EXPH5: variants seen among roughly 807,000 people sequenced by gnomAD.
EXPH5 encodes exophilin 5, also known as exophilin-5.
A neutral mutation model predicts 41.1 loss-of-function variants in EXPH5; 42 were observed. The observed-to-expected ratio is 1.02, with a 90% confidence interval of 0.80 to 1.32. The LOEUF is 1.32. Ranked by LOEUF, EXPH5 falls within the 40% of genes most tolerant of loss-of-function variation. The pLI is 0.00. For missense variants in EXPH5, 2,298 were observed against 2,314.5 expected, an observed-to-expected ratio of 0.99 and a Z score of 0.15; for synonymous variants, 798 against 833.5, an observed-to-expected ratio of 0.96 and a Z score of 0.73.
At chr11:108,579,668 G>A (rs557712731) in intron 1 of EXPH5, among the ~76,000 whole-genome samples, 3 of 152,140 alleles carry the variant, frequency 2.0e-5, no homozygotes, top group Non-Finnish European at 4.4e-5. Context: ...TATCTGATAA[G>A]TAAATTGTAG....
chr11:108,600,968 G>A, the EXPH5 span, among the ~76,000 whole-genome samples: 1 of 152,186 alleles, frequency 6.6e-6, no homozygotes, highest in African/African-American at 2.4e-5. Context: ...AGAAGTTGTT[G>A]CCATGCCTTA....
intron 4 of EXPH5, 92 bp from the exon 5 acceptor site, chr11:108,518,465 G>C (rs1035137436): frequency 8.5e-7 from 1 of 1,175,182 alleles, no homozygotes. Context: ...AAGCTTAAAA[G>C]TATTAGTCTA....
intron 1 of EXPH5, among the ~76,000 whole-genome samples, chr11:108,578,503 A>C (rs1379531699): frequency 1.3e-5 from 2 of 152,068 alleles, no homozygotes; most frequent in African/African-American, 4.8e-5. Flanking sequence ...CTCAGGATTC[A>C]TTTGGCTATT....
chr11:108,557,310 T>G (rs1565820740), intron 1 of EXPH5, among the ~76,000 whole-genome samples: 2 of 152,140 alleles, frequency 1.3e-5, no homozygotes, highest in Non-Finnish European at 2.9e-5. Context: ...TAGATTGTAT[T>G]TTAATGGGGT....
intron 4 of EXPH5, among the ~76,000 whole-genome samples, chr11:108,519,252 G>A (rs2093748394): frequency 6.6e-6 from 1 of 152,086 alleles, no homozygotes; most frequent in Non-Finnish European, 1.5e-5. Flanking sequence ...CCAACCAAAG[G>A]CTAACTTTGG....
rs569850559 is a variant in EXPH5 at position 108,530,909 on chromosome 11, C to T, written c.444-2725G>A. 2.6e-5 allele frequency among the ~76,000 whole-genome samples: 4 copies of T among 152,286 alleles called. No individual in the cohort carries two copies. In the South Asian group the frequency reaches 8.3e-4, roughly 32 times the overall value. ...ATAGGACTCAGCAGTTTTGGGGGCC[C>T]AGAGTCTCTGCACCCACTCCCAGGC... On this transcript the variant is annotated intron_variant, in intron 3 of 5. Coordinates refer to ENST00000265843, the MANE Select transcript of EXPH5 (RefSeq NM_015065.3).
rs150939402 is a variant in EXPH5, at chr11:108,532,425, G to A, written c.444-4241C>T. On this transcript the variant is annotated intron_variant, in intron 3 of 5. Transcript: ENST00000265843. Reference sequence around the variant, plus strand: ...AGATGGGGTTTCACTACGTTGGCCAGGCTGGTCTTGAACTCCTGCGCTCAA... The same window carrying A: ...AGATGGGGTTTCACTACGTTGGCCAAGCTGGTCTTGAACTCCTGCGCTCAA... Among the ~76,000 whole-genome samples the A allele has an allele frequency of 7.2e-3, 906 of 126,138 alleles. 15 individuals carry two copies. Among genetic ancestry groups the A allele is most frequent in the African/African-American group, 0.027 (858 of 31,712 alleles). 82.8% of individuals were successfully genotyped at this position (126,138 alleles called of 152,430 possible). A position where few individuals can be genotyped will look rare whatever the true frequency, so the allele number is the denominator to read the frequency against.
the EXPH5 span, among the ~76,000 whole-genome samples, chr11:108,604,219 C>T: frequency 9.5e-6 from 1 of 105,302 alleles, no homozygotes; most frequent in African/African-American, 3.5e-5. Context: ...GGTGAAACCC[C>T]ATCTCTACAA....
upstream of EXPH5, among the ~76,000 whole-genome samples, chr11:108,596,757 G>A (rs1464904856): frequency 6.6e-6 from 1 of 152,176 alleles, no homozygotes; most frequent in Non-Finnish European, 1.5e-5. Flanking sequence ...TCAGCCCTGG[G>A]TTGTGGCACA....
intron 1 of EXPH5, among the ~76,000 whole-genome samples, chr11:108,552,422 A>G (rs546268149): frequency 6.6e-6 from 1 of 152,310 alleles, no homozygotes; most frequent in Admixed American, 6.5e-5. Flanking sequence ...AGGGAAGCTC[A>G]GATAAGGAAA....
At position 108,510,987 on chromosome 11, in the gene EXPH5, A is replaced by C. The variant is rs763603409; in HGVS notation, c.4520T>G (p.Val1507Gly). The change falls in exon 6 of 6, where the codon GTC becomes GGC. Residue 1507 changes from valine (V) to glycine (G), a missense_variant. Physicochemically the swap from Val to Gly is moderately radical, Grantham distance 109. Transcript: ENST00000265843. ...ATGCAATGCTGGAGTAAGGGCAAAG[A>C]CTTGACTCTCTGAGTGAGAAAGTGT... ...NKTLSHSESQVFALTPALHKL... is the reference protein window; with the variant it reads ...NKTLSHSESQGFALTPALHKL... 1 of 1,614,192 alleles carries C rather than the reference A, an allele frequency of 6.2e-7. No homozygotes were observed. The highest frequency in any genetic ancestry group is 1.7e-5 in the Admixed American group (1 of 60,018).
At chr11:108,543,690 G>A (rs1346235818) in intron 1 of EXPH5, among the ~76,000 whole-genome samples, 2 of 152,178 alleles carry the variant, frequency 1.3e-5, no homozygotes, top group African/African-American at 2.4e-5. Flanking sequence ...CTGCAACTCA[G>A]GCTCTTGCTT....
At chr11:108,551,041 G>A (rs1349898853) in intron 1 of EXPH5, among the ~76,000 whole-genome samples, 2 of 152,102 alleles carry the variant, frequency 1.3e-5, no homozygotes, top group Non-Finnish European at 2.9e-5. Flanking sequence ...AATAATAACC[G>A]ATGATATGAA....
At chr11:108,568,512 C>T (rs1479587313) in intron 1 of EXPH5, among the ~76,000 whole-genome samples, 1 of 152,166 alleles carries the variant, frequency 6.6e-6, no homozygotes, top group Non-Finnish European at 1.5e-5. Context: ...CCACACCTCC[C>T]CCCAACCCCC....
At position 108,514,547 on chromosome 11, in the gene EXPH5, C is replaced by T. The variant is rs770593653; in HGVS notation, c.960G>A (p.Ser320=). ...ACCGTTGCCTGCTGTCAAAACACAG[C>T]GAAGTACTGCCAAAAGTATTCTTTT... ...YVQKNTFGST[S]LCFDSRQRSA... The change falls in exon 6 of 6, where the codon TCG becomes TCA. Residue 320 remains serine, a synonymous_variant. Transcript: ENST00000265843. 39 of 1,613,848 alleles carry T rather than the reference C, an allele frequency of 2.4e-5. No homozygotes were observed. Among genetic ancestry groups the T allele is most frequent in the Non-Finnish European group, 3.1e-5 (37 of 1,179,880 alleles).
At chr11:108,524,554 C>A (rs570584559) in intron 4 of EXPH5, among the ~76,000 whole-genome samples, 22 of 152,262 alleles carry the variant, frequency 1.4e-4, no homozygotes, top group African/African-American at 5.3e-4. Flanking sequence ...AAAATGAGGT[C>A]TTTTACACAA....
chr11:108,554,063 CT>C (rs34487456), intron 1 of EXPH5, among the ~76,000 whole-genome samples: 24,934 of 138,984 alleles, frequency 0.18, 2,835 homozygotes, highest in East Asian at 0.62. Flanking sequence ...GGCCCCTGAC[CT>C]TTTTTTTTTT....
chr11:108,567,032 T>C (rs1262454412), intron 1 of EXPH5, among the ~76,000 whole-genome samples: 4 of 152,230 alleles, frequency 2.6e-5, no homozygotes, highest in Admixed American at 6.5e-5. Context: ...CTCTCTTCTA[T>C]TTAACATTTA....
intron 1 of EXPH5, among the ~76,000 whole-genome samples, chr11:108,580,180 A>G (rs994717187): frequency 6.6e-6 from 1 of 152,188 alleles, no homozygotes; most frequent in African/African-American, 2.4e-5. Context: ...TCCAGAATAC[A>G]CAATAAATTG....
Sources: allele counts gnomAD v4.1 joint callset (sites outside exome capture counted in the v4.1 genomes callset), GRCh38; gene constraint gnomAD v4.1.1; transcripts MANE v1.5; gene names NCBI Gene and HGNC (gene_info 2026-07-23, HGNC 2026-07-21).